Variants in CEP192 observed in about 807,000 individuals in gnomAD.
The protein encoded by CEP192 is centrosomal protein of 192 kDa.
A neutral mutation model predicts 271.8 loss-of-function variants in CEP192; 151 were observed. That is an observed-to-expected ratio of 0.56 (90% confidence interval 0.49 to 0.64). CEP192 has a LOEUF of 0.64. Ranked by LOEUF, CEP192 falls within the 30% of genes least tolerant of loss-of-function variation. The probability of loss-of-function intolerance (pLI) is 0.00; values close to 1 mark genes in which losing one functional copy is unlikely to be tolerated. For missense variants in CEP192, 2,910 were observed against 3,020.5 expected (o/e 0.96, Z 0.86); for synonymous variants, 995 against 1,076.5 (o/e 0.92, Z 1.48).
At chr18:13,068,763 C>A in intron 24 of CEP192, 89 bp from the exon 25 acceptor site, 1 of 1,375,934 alleles carries the variant, frequency 7.3e-7, no homozygotes, top group Non-Finnish European at 1.0e-6. Flanking sequence ...TTTCTTATTG[C>A]CCCTAAGGGC....
intron 44 of CEP192, among the ~76,000 whole-genome samples, chr18:13,122,014 C>T (rs2040685438): frequency 6.6e-6 from 1 of 152,226 alleles, no homozygotes; most frequent in African/African-American, 2.4e-5. Context: ...TTGGGCCGGG[C>T]ATGGTGGCCC....
intron 11 of CEP192, among the ~76,000 whole-genome samples, chr18:13,031,940 G>T (rs1285090188): frequency 6.6e-6 from 1 of 152,192 alleles, no homozygotes; most frequent in Non-Finnish European, 1.5e-5. Flanking sequence ...GTTTGAGAAG[G>T]TGCATGGTCC....
At position 13,056,015 on chromosome 18, in the gene CEP192, C is replaced by T. The variant is rs1190286264; in HGVS notation, c.3425C>T (p.Ser1142Phe). Residue 1142 changes from serine to phenylalanine, a missense_variant, in exon 19 of 45, where the codon TCC becomes TTC. By Grantham distance (155) the Ser-to-Phe change is radical. Transcript: ENST00000506447. The stretch of plus-strand genomic sequence containing the variant: ...TTTAGATGGAGTAAAGATCCTTCCT[C>T]CAAAAGTGGAAATCTGTTGGAAACC... Reference protein sequence around the residue: ...PDFRWSKDPSSKSGNLLETSE... With the variant: ...PDFRWSKDPSFKSGNLLETSE... 1 of 1,614,182 alleles carries T rather than the reference C, an allele frequency of 6.2e-7. No individual in the cohort carries two copies. Among genetic ancestry groups the T allele is most frequent in the South Asian group, 1.1e-5 (1 of 91,076 alleles).
At chr18:13,027,757 G>T (rs191374915) in intron 9 of CEP192, among the ~76,000 whole-genome samples, 2 of 152,118 alleles carry the variant, frequency 1.3e-5, no homozygotes, top group Admixed American at 1.3e-4. Context: ...TTATGGATGA[G>T]ACAGCCAGTT....
chr18:13,105,574 G>A (rs538694682), intron 40 of CEP192, among the ~76,000 whole-genome samples: 21 of 152,208 alleles, frequency 1.4e-4, no homozygotes, highest in African/African-American at 3.9e-4. Flanking sequence ...TCTAATTGCC[G>A]AAACTTACTG....
chr18:13,103,422 C>T, intron 38 of CEP192, 87 bp from the exon 39 acceptor site: 2 of 976,940 alleles, frequency 2.0e-6, no homozygotes, highest in East Asian at 2.4e-5. Flanking sequence ...TTTTTAACCC[C>T]AGTATGAGGT....
intron 40 of CEP192, among the ~76,000 whole-genome samples, chr18:13,106,577 C>CA (rs949013608): frequency 1.3e-5 from 2 of 151,310 alleles, no homozygotes; most frequent in Non-Finnish European, 2.9e-5. Flanking sequence ...AACCACACCC[C>CA]ACACAGCTAC....
intron 34 of CEP192, among the ~76,000 whole-genome samples, chr18:13,094,231 G>A (rs913706762): frequency 1.3e-5 from 2 of 152,106 alleles, no homozygotes; most frequent in African/African-American, 4.8e-5. Context: ...ATCTTAAGAG[G>A]GAGTTCTTTA....
chr18:13,007,534 C>T (rs554079701), intron 3 of CEP192, among the ~76,000 whole-genome samples: 1 of 152,150 alleles, frequency 6.6e-6, no homozygotes, highest in Non-Finnish European at 1.5e-5. Context: ...CTTGCTCCCC[C>T]ACCTCTTTTC....
chr18:13,037,445 T>TC, intron 12 of CEP192, 144 bp downstream of exon 12: 1 of 488,574 alleles, frequency 2.0e-6, no homozygotes, highest in Non-Finnish European at 3.6e-6. Flanking sequence ...TTCTGCTTTT[T>TC]CCCTCATACT....
intron 6 of CEP192, among the ~76,000 whole-genome samples, chr18:13,015,834 C>T (rs996033070): frequency 1.3e-5 from 2 of 150,410 alleles, no homozygotes; most frequent in Middle Eastern, 6.9e-3. Context: ...CAACCTCCAC[C>T]TCCTGGGTTC....
At chr18:13,076,451 C>T (rs987153323) in intron 30 of CEP192, among the ~76,000 whole-genome samples, 3 of 152,176 alleles carry the variant, frequency 2.0e-5, no homozygotes, top group East Asian at 3.9e-4. Flanking sequence ...CTCTTGACCT[C>T]GTGATCCACC....
intron 30 of CEP192, among the ~76,000 whole-genome samples, chr18:13,077,972 C>T (rs183997179): frequency 6.6e-5 from 10 of 152,100 alleles, no homozygotes; most frequent in East Asian, 1.9e-4. Flanking sequence ...TTCTGGGATA[C>T]GTGTGCAGAA....
At chr18:13,047,683 G>T (rs559996760) in intron 15 of CEP192, among the ~76,000 whole-genome samples, 1 of 152,318 alleles carries the variant, frequency 6.6e-6, no homozygotes, top group South Asian at 2.1e-4. Context: ...GGAGGCAGAA[G>T]TCTTAACATG....
At chr18:13,054,065 C>T (rs564478374) in intron 18 of CEP192, among the ~76,000 whole-genome samples, 5 of 152,216 alleles carry the variant, frequency 3.3e-5, no homozygotes, top group South Asian at 4.2e-4. Context: ...TGGCCTCAAG[C>T]GATCTTCCTG....
intron 1 of CEP192, among the ~76,000 whole-genome samples, chr18:12,998,656 G>A (rs17659896): frequency 0.25 from 38,749 of 151,962 alleles, 5,946 homozygotes; most frequent in Admixed American, 0.36. Flanking sequence ...TCTTCAAGGC[G>A]CATTGCCAAT....
intron 15 of CEP192, among the ~76,000 whole-genome samples, chr18:13,043,655 C>T (rs2036325374): frequency 6.6e-6 from 1 of 152,152 alleles, no homozygotes; most frequent in South Asian, 2.1e-4. Context: ...CCACTAACCA[C>T]CAACAACCCT....
At chr18:13,018,346 G>T in intron 7 of CEP192, 134 bp from the exon 8 acceptor site, 1 of 510,524 alleles carries the variant, frequency 2.0e-6, no homozygotes, top group Non-Finnish European at 3.4e-6. Context: ...GATTACTCTC[G>T]TGGTGACAAT....
In CEP192 at chr18:13,071,167, A is replaced by G. The variant is rs1322911859; in HGVS notation, c.5303A>G (p.Asn1768Ser). 3.1e-6 allele frequency: 5 copies of G among 1,614,080 alleles called. No homozygotes were observed. Among genetic ancestry groups the G allele is most frequent in the Non-Finnish European group, 3.4e-6 (4 of 1,180,020 alleles). ...TTAGATATTCCATCGATTTTGTCCA[A>G]CAAACAATTTCTGGCTTGGGGAGGA... ...PCLDIPSILSNKQFLAWGGVP... is the reference protein window; with the variant it reads ...PCLDIPSILSSKQFLAWGGVP... Residue 1768 changes from asparagine to serine, a missense_variant, in exon 28 of 45, where the codon AAC becomes AGC. Physicochemically the swap from Asn to Ser is conservative, Grantham distance 46 (BLOSUM62 1). Transcript: ENST00000506447.
Sources: gnomAD v4.1 joint callset for allele counts (sites outside exome capture counted in the v4.1 genomes callset) on GRCh38, gnomAD v4.1.1 for gene constraint, MANE v1.5 for transcripts, NCBI Gene and HGNC (gene_info 2026-07-23, HGNC 2026-07-21) for gene names.